The following KIAA1217 variants were observed in gnomAD, a reference collection of about 807,000 sequenced individuals.
The protein encoded by KIAA1217 is sickle tail protein homolog.
Under a neutral mutation model 163.9 loss-of-function variants are expected in KIAA1217, and 88 were observed. The ratio of observed to expected loss-of-function variants is 0.54; its 90% CI spans 0.45 to 0.64. KIAA1217 has a LOEUF of 0.64. KIAA1217 is among the 30% of genes least tolerant of loss of function. The pLI is 0.00. For synonymous variants in KIAA1217, 903 were observed against 923.1 expected, an observed-to-expected ratio of 0.98 and a Z score of 0.39; for missense variants, 2,372 against 2,475.0, an observed-to-expected ratio of 0.96 and a Z score of 0.88.
intron 2 of KIAA1217, among the ~76,000 whole-genome samples, chr10:24,263,012 C>G (rs2075871565): frequency 6.6e-6 from 1 of 151,786 alleles, no homozygotes; most frequent in African/African-American, 2.4e-5. Flanking sequence ...GGGCCAAAGT[C>G]CACTCACGTA....
At position 23,940,365 on chromosome 10, in the gene KIAA1217, C is replaced by CAGG. The variant is rs532901857; in HGVS notation, c.-320-66857_-320-66855dup. ...ATCCTAGCTATTCAGAAGGCTGAAGCAGGAGAATCATTTGAACCTGGGAGG... is the reference window on the plus strand; with the variant it reads ...ATCCTAGCTATTCAGAAGGCTGAAGCAGGAGGAGAATCATTTGAACCTGGGAGG... On this transcript the variant is annotated intron_variant, in intron 1 of 18. Transcript: ENST00000376462. Among the ~76,000 whole-genome samples the CAGG allele has an allele frequency of 2.3e-3, 332 of 141,656 alleles. 1 individual carries two copies. Among genetic ancestry groups the CAGG allele is most frequent in the African/African-American group, 8.7e-3 (327 of 37,594 alleles). 92.9% of individuals were successfully genotyped at this position (141,656 alleles called of 152,430 possible).
chr10:24,503,262 G>A lies in KIAA1217; in HGVS notation c.2001+1717G>A, dbSNP rs547844494. Among the ~76,000 whole-genome samples, 3 of 152,276 alleles carry A rather than the reference G, an allele frequency of 2.0e-5. No individual in the cohort carries two copies. In the South Asian group the frequency reaches 6.2e-4, roughly 32 times the overall value. Reference sequence around the variant, plus strand: ...CATGACGGTTGCTAGAAGAGTGAGGGCTCTGATCTCCAAAGGCTACTCTGT... The same window carrying A: ...CATGACGGTTGCTAGAAGAGTGAGGACTCTGATCTCCAAAGGCTACTCTGT... On this transcript the variant is annotated intron_variant, in intron 9 of 20. Coordinates refer to ENST00000376454, the MANE Select transcript of KIAA1217 (RefSeq NM_019590.5).
intron 2 of KIAA1217, among the ~76,000 whole-genome samples, chr10:24,087,219 A>T (rs1321757019): frequency 6.6e-6 from 1 of 152,230 alleles, no homozygotes; most frequent in Non-Finnish European, 1.5e-5. Context: ...GTTAACTAGG[A>T]TCAAGTTAAA....
At chr10:24,345,266 G>A (rs938928526) in intron 2 of KIAA1217, among the ~76,000 whole-genome samples, 2 of 152,220 alleles carry the variant, frequency 1.3e-5, no homozygotes, top group Non-Finnish European at 2.9e-5. Flanking sequence ...AGGGACAGCT[G>A]TAGTGCTTGG....
At chr10:23,737,518 A>G (rs1436524026) in intron 1 of KIAA1217, among the ~76,000 whole-genome samples, 1 of 152,128 alleles carries the variant, frequency 6.6e-6, no homozygotes, top group African/African-American at 2.4e-5. Context: ...ATAGAAGTTT[A>G]GTCCTTTGCT....
chr10:23,839,907 A>G (rs143318082), intron 1 of KIAA1217, among the ~76,000 whole-genome samples: 21 of 152,286 alleles, frequency 1.4e-4, no homozygotes, highest in African/African-American at 4.6e-4. Context: ...ATGAGTACAG[A>G]AAAGAAGGGC....
In KIAA1217 at chr10:24,473,381, G is replaced by A; in HGVS notation, c.1000G>A (p.Gly334Ser). The A allele has an allele frequency of 6.2e-7, 1 of 1,612,330 alleles. No homozygotes were observed. Among genetic ancestry groups the A allele is most frequent in the Non-Finnish European group, 8.5e-7 (1 of 1,178,976 alleles). ...PPSPSRIPYG[G>S]TRSMVVPGNA... The stretch of plus-strand genomic sequence containing the variant: ...CTCCCCGTCCAGAATTCCTTATGGG[G>A]GCACCCGCTCCATGGTTGTTCCTGG... Residue 334 changes from glycine to serine, a missense_variant, in exon 6 of 21, where the codon GGC becomes AGC. Around this residue, in one of 3 missense-constraint regions of KIAA1217, gnomAD observed 1,431 missense variants for 1,470.3 expected, o/e 0.97. Transcript: ENST00000376454.
chr10:23,724,901 G>A (rs981064467), intron 1 of KIAA1217, among the ~76,000 whole-genome samples: 1 of 152,110 alleles, frequency 6.6e-6, no homozygotes, highest in Non-Finnish European at 1.5e-5. Flanking sequence ...CCCATTTGCA[G>A]GAGGACTTGT....
At chr10:23,811,081 G>A (rs1439534119) in intron 1 of KIAA1217, among the ~76,000 whole-genome samples, 1 of 120,598 alleles carries the variant, frequency 8.3e-6, no homozygotes, top group South Asian at 2.4e-4. Context: ...ATAATACATA[G>A]TACACTATAT....
In KIAA1217 at chr10:23,993,422, G is replaced by A. The variant is rs562686561; in HGVS notation, c.-320-13803G>A. Among the ~76,000 whole-genome samples the A allele has an allele frequency of 6.6e-4, 101 of 152,022 alleles. 1 individual carries two copies. The highest frequency in any genetic ancestry group is 6.5e-3 in the Admixed American group (99 of 15,276). On this transcript the variant is annotated intron_variant, in intron 1 of 18. Coordinates refer to the KIAA1217 transcript ENST00000376462. Reference sequence around the variant, plus strand: ...GGTCTTCTCTCCTCTCTTGTTCTAGGCTATTGCTTAGTCCCCTCATCCTAA... The same window carrying A: ...GGTCTTCTCTCCTCTCTTGTTCTAGACTATTGCTTAGTCCCCTCATCCTAA...
At chr10:23,907,161 G>A (rs532469441) in intron 1 of KIAA1217, among the ~76,000 whole-genome samples, 3 of 152,158 alleles carry the variant, frequency 2.0e-5, no homozygotes, top group African/African-American at 7.2e-5. Context: ...CTTTGCTTGA[G>A]TTATTCAACA....
chr10:23,964,773 T>G (rs1844987152), intron 1 of KIAA1217, among the ~76,000 whole-genome samples: 1 of 152,042 alleles, frequency 6.6e-6, no homozygotes, highest in Non-Finnish European at 1.5e-5. Context: ...GCCAGGATGG[T>G]CTTGATCTCT....
rs7071600 is a variant in KIAA1217, at chr10:24,247,674, G to A, written c.354+27765G>A. 2.9e-3 allele frequency among the ~76,000 whole-genome samples: 435 copies of A among 151,934 alleles called. 2 individuals carry two copies. Among genetic ancestry groups the A allele is most frequent in the Non-Finnish European group, 5.2e-3 (356 of 67,828 alleles). ...AAATTAGCAGGGTGTTGTGGCGGGC[G>A]CCTGTAGTCCCAGCTACTCAGGAGG... On this transcript the variant is annotated intron_variant, in intron 2 of 20. Coordinates refer to ENST00000376454, the MANE Select transcript of KIAA1217 (RefSeq NM_019590.5).
chr10:23,779,160 G>T (rs1564412283), intron 1 of KIAA1217, among the ~76,000 whole-genome samples: 1 of 152,026 alleles, frequency 6.6e-6, no homozygotes, highest in Non-Finnish European at 1.5e-5. Context: ...CTTTTCCCTT[G>T]GTCAGAGCTG....
chr10:24,185,238 C>A (rs1237374177), intron 2 of KIAA1217, among the ~76,000 whole-genome samples: 1 of 152,090 alleles, frequency 6.6e-6, no homozygotes, highest in East Asian at 1.9e-4. Flanking sequence ...CCACAGGTAA[C>A]CTGCAGGATA....
intron 8 of KIAA1217, among the ~76,000 whole-genome samples, chr10:24,500,198 T>A (rs992317526): frequency 6.6e-6 from 1 of 151,412 alleles, no homozygotes; most frequent in Non-Finnish European, 1.5e-5. Flanking sequence ...TGTGTGTGTG[T>A]GTGTGTGTGT....
At chr10:24,067,618 C>T (rs1483897052) in intron 2 of KIAA1217, among the ~76,000 whole-genome samples, 3 of 152,008 alleles carry the variant, frequency 2.0e-5, no homozygotes, top group African/African-American at 7.3e-5. Context: ...GCAGTCTGTC[C>T]GTTCTCAGAT....
intron 1 of KIAA1217, among the ~76,000 whole-genome samples, chr10:23,816,595 A>G (rs1001142040): frequency 2.6e-5 from 4 of 152,270 alleles, no homozygotes; most frequent in Admixed American, 2.6e-4. Context: ...TGAGGTCAGG[A>G]GTTCACTTTT....
intron 1 of KIAA1217, among the ~76,000 whole-genome samples, chr10:23,848,027 T>C (rs1839126435): frequency 6.6e-6 from 1 of 152,162 alleles, no homozygotes; most frequent in Non-Finnish European, 1.5e-5. Context: ...TTGTGCAGTT[T>C]TGAGTGAGTT....
Sources: allele counts gnomAD v4.1 joint callset (sites outside exome capture counted in the v4.1 genomes callset), GRCh38; gene constraint gnomAD v4.1.1; regional missense constraint gnomAD v4.1.1; transcripts MANE v1.5; gene names NCBI Gene and HGNC (gene_info 2026-07-23, HGNC 2026-07-21).